CCDC7: variants seen among roughly 807,000 people sequenced by gnomAD.
CCDC7 encodes coiled-coil domain containing 7.
Under a neutral mutation model 196.9 loss-of-function variants are expected in CCDC7, and 183 were observed. That is an observed-to-expected ratio of 0.93 (90% CI 0.82 to 1.05). The LOEUF is 1.05. CCDC7 is among the 50% of genes least tolerant of loss of function. CCDC7 has a pLI of 0.00. For synonymous variants in CCDC7, 525 were observed against 484.6 expected (o/e 1.08, Z -1.10); for missense variants, 1,540 against 1,482.2 (o/e 1.04, Z -0.64).
chr10:32,606,487 C>T (rs181463563), intron 18 of CCDC7, among the ~76,000 whole-genome samples: 2 of 152,360 alleles, frequency 1.3e-5, no homozygotes, highest in Non-Finnish European at 2.9e-5. Context: ...ACTGTAGGCA[C>T]TCAACTCCAA....
At chr10:32,459,318 TGAACCTCTAGAGAGCTCAAAAGTGG>T (rs571663499) in intron 3 of CCDC7, among the ~76,000 whole-genome samples, 223 of 152,120 alleles carry the variant, frequency 1.5e-3, no homozygotes, top group African/African-American at 4.6e-3. Flanking sequence ...CAGTTTAGTG[TGAACCTCTAGAGAGCTCAAAAGTGG>T]GAACCTCTAG....
intron 25 of CCDC7, among the ~76,000 whole-genome samples, chr10:32,719,406 TA>T (rs1324874607): frequency 2.0e-5 from 3 of 152,052 alleles, no homozygotes; most frequent in African/African-American, 4.8e-5. Flanking sequence ...ACCTAAGACC[TA>T]AAACCATAAA....
chr10:32,565,538 TC>T lies in CCDC7; in HGVS notation c.1135-15del, dbSNP rs779514031. On this transcript the variant is annotated intron_variant, in intron 13 of 41. Coordinates refer to ENST00000639629, the Ensembl canonical transcript of CCDC7. Reference sequence around the variant, plus strand: ...AAAATACCAAAGTAAATACCTTTTTTCCCCCTTCTTACTTCCTAGAAAGTAG... The same window carrying T: ...AAAATACCAAAGTAAATACCTTTTTTCCCCTTCTTACTTCCTAGAAAGTAG... The T allele has an allele frequency of 2.5e-6, 4 of 1,604,356 alleles. No individual in the cohort carries two copies. In the South Asian group the frequency reaches 3.4e-5, roughly 13 times the overall value.
intron 25 of CCDC7, among the ~76,000 whole-genome samples, chr10:32,720,423 G>C (rs1415624215): frequency 6.6e-6 from 1 of 152,038 alleles, no homozygotes; most frequent in Non-Finnish European, 1.5e-5. Flanking sequence ...GGCCTGTTGG[G>C]GGGTAGGGGG....
chr10:32,486,475 T>C (rs1041754009), intron 8 of CCDC7, among the ~76,000 whole-genome samples: 1 of 150,280 alleles, frequency 6.7e-6, no homozygotes, highest in African/African-American at 2.5e-5. Flanking sequence ...TGTCTTTTAA[T>C]GGGAGCATTT....
intron 39 of CCDC7, among the ~76,000 whole-genome samples, chr10:32,850,004 G>C (rs920325008): frequency 1.3e-5 from 2 of 152,062 alleles, no homozygotes; most frequent in Non-Finnish European, 2.9e-5. Flanking sequence ...AATAAAACTG[G>C]TTCTTCAAAT....
chr10:32,738,646 G>A (rs553269214), intron 28 of CCDC7, among the ~76,000 whole-genome samples: 4 of 151,558 alleles, frequency 2.6e-5, no homozygotes, highest in Non-Finnish European at 4.4e-5. Flanking sequence ...GCTAATTTTT[G>A]TATTTTTTGT....
At chr10:32,697,774 A>G (rs1347727619) in intron 24 of CCDC7, among the ~76,000 whole-genome samples, 1 of 152,202 alleles carries the variant, frequency 6.6e-6, no homozygotes, top group Admixed American at 6.5e-5. Context: ...GGCAGCGGAA[A>G]CTTCTGCAGA....
chr10:32,736,063 G>A (rs1242238867), intron 28 of CCDC7, among the ~76,000 whole-genome samples: 1 of 151,872 alleles, frequency 6.6e-6, no homozygotes, highest in African/African-American at 2.4e-5. Flanking sequence ...ATTTCTGTAG[G>A]GCTACAGGAA....
At chr10:32,490,299 C>T (rs2041951151) in intron 8 of CCDC7, among the ~76,000 whole-genome samples, 1 of 152,140 alleles carries the variant, frequency 6.6e-6, no homozygotes. Flanking sequence ...CTGATATCTC[C>T]TACTTTCTCA....
At chr10:32,571,313 T>TA (rs1408231364) in intron 15 of CCDC7, among the ~76,000 whole-genome samples, 2 of 152,088 alleles carry the variant, frequency 1.3e-5, no homozygotes, top group Non-Finnish European at 2.9e-5. Flanking sequence ...CCGGCTGGCC[T>TA]AACCTTTTGG....
intron 29 of CCDC7, among the ~76,000 whole-genome samples, chr10:32,780,389 C>G (rs1181554722): frequency 6.6e-6 from 1 of 152,136 alleles, no homozygotes; most frequent in Non-Finnish European, 1.5e-5. Flanking sequence ...TAACTCTGCT[C>G]TTTGTATCTA....
chr10:32,621,766 G>C (rs1025045598), intron 18 of CCDC7, among the ~76,000 whole-genome samples: 1 of 152,136 alleles, frequency 6.6e-6, no homozygotes, highest in East Asian at 1.9e-4. Flanking sequence ...CAAGAAGAAA[G>C]GGAGAACTTA....
chr10:32,825,563 T>C (rs1197972324), intron 32 of CCDC7, among the ~76,000 whole-genome samples: 1 of 152,184 alleles, frequency 6.6e-6, no homozygotes, highest in African/African-American at 2.4e-5. Context: ...TTCTATTACT[T>C]CTTTCCCTCT....
chr10:32,467,815 A>G (rs72468115), intron 5 of CCDC7, among the ~76,000 whole-genome samples: 20,429 of 152,198 alleles, frequency 0.13, 1,623 homozygotes, highest in African/African-American at 0.23. Context: ...TTAACCAGTT[A>G]TCCCAGCCTC....
intron 13 of CCDC7, among the ~76,000 whole-genome samples, chr10:32,548,049 G>C (rs2052775922): frequency 6.6e-6 from 1 of 151,964 alleles, no homozygotes; most frequent in Non-Finnish European, 1.5e-5. Context: ...ATAAATATTT[G>C]GTGCCGCCAA....
chr10:32,860,890 A>G (rs977914679), intron 41 of CCDC7, among the ~76,000 whole-genome samples: 14 of 152,130 alleles, frequency 9.2e-5, no homozygotes, highest in African/African-American at 3.4e-4. Flanking sequence ...ACTACAAACC[A>G]CTGCTCAAGG....
intron 11 of CCDC7, among the ~76,000 whole-genome samples, chr10:32,537,903 G>T (rs1429899973): frequency 2.0e-5 from 3 of 152,098 alleles, no homozygotes; most frequent in Non-Finnish European, 4.4e-5. Context: ...TAGCCCTTTA[G>T]TATAGTTTTA....
At chr10:32,647,178 A>G (rs1439653401) in intron 20 of CCDC7, among the ~76,000 whole-genome samples, 1 of 152,200 alleles carries the variant, frequency 6.6e-6, no homozygotes, top group Non-Finnish European at 1.5e-5. Flanking sequence ...ATAGTGGCTG[A>G]GCTAATTTAC....
Sources: gnomAD v4.1 joint callset for allele counts (sites outside exome capture counted in the v4.1 genomes callset) on GRCh38, gnomAD v4.1.1 for gene constraint, MANE v1.5 for transcripts, NCBI Gene and HGNC (gene_info 2026-07-23, HGNC 2026-07-21) for gene names.